NAV3: variants seen among roughly 807,000 people sequenced by gnomAD.
The protein encoded by NAV3 is neuron navigator 3.
In NAV3, 87 loss-of-function variants were observed where a neutral mutation model predicts 244.7. The observed-to-expected ratio is 0.36, with a 90% CI of 0.30 to 0.42. NAV3 has a LOEUF of 0.42. NAV3 is among the 20% of genes least tolerant of loss of function. The pLI, the probability that NAV3 is intolerant of heterozygous loss-of-function variation, is 1.00. For missense variants in NAV3, 2,663 were observed against 2,893.3 expected (o/e 0.92, Z 1.83); for synonymous variants, 1,126 against 1,042.2 (o/e 1.08, Z -1.55).
intron 2 of NAV3, among the ~76,000 whole-genome samples, chr12:77,612,509 G>GA (rs1163039373): frequency 1.3e-5 from 2 of 152,092 alleles, no homozygotes; most frequent in African/African-American, 4.8e-5. Flanking sequence ...CAGCAGGAGA[G>GA]ACCAGGTTTC....
intron 9 of NAV3, 133 bp from the exon 10 acceptor site, chr12:78,049,860 A>C: frequency 1.8e-6 from 1 of 567,096 alleles, no homozygotes; most frequent in South Asian, 2.9e-5. Flanking sequence ...TAATTTGTAG[A>C]TAATAATAGT....
intron 16 of NAV3, among the ~76,000 whole-genome samples, chr12:78,123,676 C>T (rs971025203): frequency 6.6e-6 from 1 of 152,096 alleles, no homozygotes; most frequent in African/African-American, 2.4e-5. Context: ...TTGGTGTTTC[C>T]TATGGTGGGC....
Position 78,177,122 on chromosome 12 carries a change from A to G in NAV3, c.5125-19A>G, listed in dbSNP as rs746908453. The G allele has an allele frequency of 1.5e-5, 24 of 1,612,676 alleles. No individual in the cohort carries two copies. In the Admixed American group the frequency reaches 3.7e-4, roughly 25 times the overall value. ...CAAGTGCAAATAGACAAGAAGGGTA[A>G]TTTCTGTCCTTGTTTCAGCTGAGAA... On this transcript the variant is annotated intron_variant, in intron 26 of 39. Transcript: ENST00000397909.
chr12:77,870,974 A>T (rs905203495), intron 1 of NAV3, among the ~76,000 whole-genome samples: 1 of 152,230 alleles, frequency 6.6e-6, no homozygotes, highest in Non-Finnish European at 1.5e-5. Context: ...GTACACATGC[A>T]TGCACAGGCA....
intron 2 of NAV3, among the ~76,000 whole-genome samples, chr12:77,751,948 A>G (rs1868878384): frequency 1.3e-5 from 2 of 152,222 alleles, no homozygotes; most frequent in Admixed American, 6.5e-5. Flanking sequence ...TTTTTAAAAC[A>G]TATTACCAGA....
At chr12:77,879,602 G>A (rs1303814093) in intron 1 of NAV3, among the ~76,000 whole-genome samples, 1 of 150,410 alleles carries the variant, frequency 6.6e-6, no homozygotes, top group African/African-American at 2.4e-5. Flanking sequence ...TTGAACCTGG[G>A]GCGGGGAGGT....
chr12:77,706,671 C>G (rs1875816970), intron 2 of NAV3, among the ~76,000 whole-genome samples: 1 of 150,482 alleles, frequency 6.6e-6, no homozygotes, highest in Non-Finnish European at 1.5e-5. Context: ...GAGATCGAGA[C>G]CATCCTGGCT....
chr12:77,920,454 A>G (rs1465050443), intron 1 of NAV3, among the ~76,000 whole-genome samples: 3 of 151,980 alleles, frequency 2.0e-5, no homozygotes, highest in Non-Finnish European at 4.4e-5. Context: ...AAGCCCCAAA[A>G]CTGTAAGATG....
At chr12:77,991,068 C>T (rs1871354516) in intron 5 of NAV3, among the ~76,000 whole-genome samples, 1 of 152,038 alleles carries the variant, frequency 6.6e-6, no homozygotes, top group African/African-American at 2.4e-5. Flanking sequence ...CTCTGTCGCC[C>T]AGGCTGGAGT....
chr12:77,900,117 C>T (rs1019472194), intron 1 of NAV3, among the ~76,000 whole-genome samples: 8 of 150,248 alleles, frequency 5.3e-5, no homozygotes, highest in African/African-American at 1.7e-4. Context: ...CACTCTTTCG[C>T]CCAGGCTGGA....
chr12:77,970,609 T>C (rs1173531863), intron 5 of NAV3, among the ~76,000 whole-genome samples: 2 of 152,152 alleles, frequency 1.3e-5, no homozygotes, highest in African/African-American at 4.8e-5. Context: ...TATTATAAAA[T>C]AATGCAGATA....
At position 78,209,674 on chromosome 12, in the gene NAV3, C is replaced by A. The variant is rs534776967; in HGVS notation, c.7039-724C>A. Among the ~76,000 whole-genome samples the A allele has an allele frequency of 3.9e-5, 6 of 152,236 alleles. No individual in the cohort carries two copies. The East Asian group carries it at 9.6e-4, about 24-fold the overall frequency. On this transcript the variant is annotated intron_variant, in intron 39 of 39. Transcript: ENST00000397909. ...GCCTTTCTCCCCAGGTGCTTTCATG[C>A]ATATGTCCCTTTTACTAGAACAAAC...
chr12:78,048,221 G>A (rs1036529290), intron 9 of NAV3, among the ~76,000 whole-genome samples: 2 of 151,998 alleles, frequency 1.3e-5, no homozygotes, highest in African/African-American at 2.4e-5. Context: ...CTGTAAATTC[G>A]TCAAACTCAT....
rs552295856 is a variant in NAV3 at position 77,579,749 on chromosome 12, A to C, written c.72+7483A>C. On this transcript the variant is annotated intron_variant, in intron 2 of 8. Transcript: ENST00000550042. ...TACTATTTCACTCAAGACCTGATGA[A>C]ACTAGCAATGTCTTTGGGAAGATCC... 3.9e-5 allele frequency among the ~76,000 whole-genome samples: 6 copies of C among 152,330 alleles called. No homozygotes were observed. In the East Asian group the frequency reaches 1.2e-3, roughly 29 times the overall value.
chr12:77,757,895 A>G (rs1411783297), intron 2 of NAV3, among the ~76,000 whole-genome samples: 2 of 152,336 alleles, frequency 1.3e-5, no homozygotes, highest in African/African-American at 2.4e-5. Flanking sequence ...TCTCACTTCC[A>G]TCAGAACCTT....
chr12:77,776,451 G>T lies in NAV3; in HGVS notation c.73-163868G>T, dbSNP rs182822518. Among the ~76,000 whole-genome samples, 5 of 152,244 alleles carry T rather than the reference G, an allele frequency of 3.3e-5. No homozygotes were observed. In the East Asian group the frequency reaches 9.7e-4, roughly 29 times the overall value. On this transcript the variant is annotated intron_variant, in intron 2 of 8. Coordinates refer to the NAV3 transcript ENST00000550042. Reference sequence around the variant, plus strand: ...TATAGGAAAACACATAAAGGCATAAGCAAACCTTTTTTTATAGAGTTTCTG... The same window carrying T: ...TATAGGAAAACACATAAAGGCATAATCAAACCTTTTTTTATAGAGTTTCTG...
At chr12:77,828,569 G>C (rs767831106), upstream of NAV3, among the ~76,000 whole-genome samples, 11 of 151,690 alleles carry the variant, frequency 7.3e-5, no homozygotes. Flanking sequence ...TTACTTTCTC[G>C]GTGCCTTTGT....
intron 21 of NAV3, 150 bp from the exon 22 acceptor site, chr12:78,148,692 T>A: frequency 1.6e-6 from 1 of 618,480 alleles, no homozygotes; most frequent in Non-Finnish European, 2.9e-6. Flanking sequence ...TACTGTGGAG[T>A]CAGTGTTCAT....
chr12:77,674,526 A>G (rs1874123988), intron 2 of NAV3, among the ~76,000 whole-genome samples: 2 of 151,940 alleles, frequency 1.3e-5, no homozygotes, highest in African/African-American at 4.8e-5. Flanking sequence ...AGTAGCTGGC[A>G]CTACAGGCAT....
Sources: allele counts gnomAD v4.1 joint callset (sites outside exome capture counted in the v4.1 genomes callset), GRCh38; gene constraint gnomAD v4.1.1; transcripts MANE v1.5; gene names NCBI Gene and HGNC (gene_info 2026-07-23, HGNC 2026-07-21).